AURKC: variants seen among roughly 807,000 people sequenced by gnomAD.
The protein encoded by AURKC is ARK-3.
In AURKC, 15 loss-of-function variants were observed where a neutral mutation model predicts 29.2. The observed-to-expected ratio is 0.51, with a 90% CI of 0.34 to 0.79. The LOEUF (loss-of-function observed/expected upper bound fraction) is 0.79, where lower values mean the gene tolerates loss of function less well. Ranked by LOEUF, AURKC falls within the 30% of genes least tolerant of loss-of-function variation. AURKC has a pLI of 0.01. For synonymous variants in AURKC, 150 were observed against 149.9 expected (o/e 1.00, Z -0.01); for missense variants, 332 against 383.2 (o/e 0.87, Z 1.12).
rs1285952481 is a variant in AURKC at position 57,232,295 on chromosome 19, C to T, written c.296+71C>T. On this transcript the variant is annotated intron_variant, in intron 3 of 6. Transcript: ENST00000302804. This position sits in a 1 kb window ranked among gnomAD's most constrained non-coding sequence, Gnocchi z 4.5. ...CAGCATTTTCCCCAAATACTAACCC[C>T]AAGTAAACCCTGCACTTGTACCTTG... is the stretch of plus-strand genomic sequence containing the variant. 32 of 1,566,672 alleles carry T rather than the reference C, an allele frequency of 2.0e-5. No individual in the cohort carries two copies. Among genetic ancestry groups the T allele is most frequent in the Non-Finnish European group, 2.7e-5 (31 of 1,149,826 alleles).
At chr19:57,231,418 C>A in intron 1 of AURKC, 112 bp downstream of exon 1, 2 of 1,241,288 alleles carry the variant, frequency 1.6e-6, no homozygotes, top group South Asian at 1.3e-5. Context: ...TCCTCCCCAA[C>A]GCTCTTCTTT....
chr19:57,231,049 A>C lies in AURKC; in HGVS notation c.-200A>C. 3 of 1,293,910 alleles carry C rather than the reference A, an allele frequency of 2.3e-6. No individual in the cohort carries two copies. In the South Asian group the frequency reaches 3.8e-5, roughly 16 times the overall value. 80.2% of individuals were successfully genotyped at this position (1,293,910 alleles called of 1,614,324 possible). On this transcript the variant is annotated 5_prime_UTR_variant, in exon 1 of 7. Coordinates refer to ENST00000302804, the MANE Select transcript of AURKC (RefSeq NM_001015878.2). ...AGCGGTTGGTGCCGGGTATAAAAGA[A>C]GGCCGCGCAGCCACGGCTGCTCACG...
chr19:57,231,335 A>T (rs758097), intron 1 of AURKC, 29 bp downstream of exon 1: 2 of 1,551,124 alleles, frequency 1.3e-6, no homozygotes, highest in Admixed American at 3.9e-5. Flanking sequence ...GAAAGGACGC[A>T]GGGAAGGCTG....
Position 57,233,546 on chromosome 19 carries a change from G to A in AURKC, c.522G>A (p.Leu174=). The A allele has an allele frequency of 6.2e-7, 1 of 1,614,150 alleles. No individual in the cohort carries two copies. ...ATATTAAGCCAGAGAACCTGCTGCT[G>A]GGGTTCAGGGGTGAGGTGAAGATTG... The part of the protein sequence containing the change: ...HRDIKPENLL[L]GFRGEVKIAD... The change falls in exon 5 of 7, where the codon CTG becomes CTA. Residue 174 remains leucine (L), a synonymous_variant. Coordinates refer to ENST00000302804, the MANE Select transcript of AURKC (RefSeq NM_001015878.2).
chr19:57,234,992 G>A lies in AURKC; in HGVS notation c.693G>A (p.Glu231=). 6.2e-7 allele frequency: 1 copy of A among 1,614,210 alleles called. No homozygotes were observed. Among genetic ancestry groups the A allele is most frequent in the Non-Finnish European group, 8.5e-7 (1 of 1,180,040 alleles). Residue 231 remains glutamate, a synonymous_variant, in exon 6 of 7, where the codon GAG becomes GAA. Coordinates refer to ENST00000302804, the MANE Select transcript of AURKC (RefSeq NM_001015878.2). The stretch of plus-strand genomic sequence containing the variant: ...GGTGCATTGGAGTGCTCTGCTATGA[G>A]CTGCTGGTGGGATATCCACCCTTTG... ...DLWCIGVLCY[E]LLVGYPPFES...
In AURKC at chr19:57,232,293, C is replaced by T. The variant is rs887972550; in HGVS notation, c.296+69C>T. The stretch of plus-strand genomic sequence containing the variant: ...CCCAGCATTTTCCCCAAATACTAAC[C>T]CCAAGTAAACCCTGCACTTGTACCT... On this transcript the variant is annotated intron_variant, in intron 3 of 6. Coordinates refer to ENST00000302804, the MANE Select transcript of AURKC (RefSeq NM_001015878.2). The surrounding 1 kb of genome is among the most constrained non-coding windows in gnomAD (Gnocchi z 4.5). The T allele has an allele frequency of 1.3e-6, 2 of 1,565,854 alleles. No homozygotes were observed. The highest frequency in any genetic ancestry group is 1.7e-5 in the Admixed American group (1 of 57,536).
In AURKC at chr19:57,232,291, A is replaced by G; in HGVS notation, c.296+67A>G. ...AGCCCAGCATTTTCCCCAAATACTA[A>G]CCCCAAGTAAACCCTGCACTTGTAC... On this transcript the variant is annotated intron_variant, in intron 3 of 6. Transcript: ENST00000302804. This position sits in a 1 kb window ranked among gnomAD's most constrained non-coding sequence, Gnocchi z 4.5. The G allele has an allele frequency of 1.9e-6, 3 of 1,578,170 alleles. No individual in the cohort carries two copies. In the Admixed American group the frequency reaches 5.2e-5, roughly 27 times the overall value.
intron 4 of AURKC, 139 bp from the exon 5 acceptor site, chr19:57,233,321 G>C (rs2087512516): frequency 8.1e-7 from 1 of 1,239,128 alleles, no homozygotes; most frequent in Non-Finnish European, 1.2e-6. Flanking sequence ...CCAGTAACTG[G>C]TGCAATTTAA....
chr19:57,232,315 A>G lies in AURKC; in HGVS notation c.296+91A>G. On this transcript the variant is annotated intron_variant, in intron 3 of 6. Coordinates refer to ENST00000302804, the MANE Select transcript of AURKC (RefSeq NM_001015878.2). This position sits in a 1 kb window ranked among gnomAD's most constrained non-coding sequence, Gnocchi z 4.5. The stretch of plus-strand genomic sequence containing the variant: ...AACCCCAAGTAAACCCTGCACTTGT[A>G]CCTTGAAGACTTCTCTGCAGTTCAT... 6.6e-7 allele frequency: 1 copy of G among 1,505,834 alleles called. No homozygotes were observed. The allele number at this position is 1,505,834 out of a possible 1,614,324, so 93.3% of individuals were successfully genotyped here.
Position 57,232,570 on chromosome 19 carries a change from T to C in AURKC, c.325T>C (p.Tyr109His). 1 of 1,614,208 alleles carries C rather than the reference T, an allele frequency of 6.2e-7. No homozygotes were observed. The change falls in exon 4 of 7, where the codon TAT becomes CAT. Residue 109 changes from tyrosine to histidine, a missense_variant. Transcript: ENST00000302804. The surrounding 1 kb of genome is among the most constrained non-coding windows in gnomAD (Gnocchi z 4.5). Reference sequence around the variant, plus strand: ...CCCCAATATCCTGCGCCTGTATAACTATTTCCATGATGCACGCCGGGTGTA... The same window carrying C: ...CCCCAATATCCTGCGCCTGTATAACCATTTCCATGATGCACGCCGGGTGTA... ...QHPNILRLYN[Y>H]FHDARRVYLI...
Position 57,232,525 on chromosome 19 carries a change from C to T in AURKC, c.297-17C>T, listed in dbSNP as rs968393333. On this transcript the variant is annotated splice_polypyrimidine_tract_variant and intron_variant, in intron 3 of 6. Coordinates refer to ENST00000302804, the MANE Select transcript of AURKC (RefSeq NM_001015878.2). The surrounding 1 kb of genome is among the most constrained non-coding windows in gnomAD (Gnocchi z 4.5). ...GCCTCAGGGAGAAATCTGACTCTTC[C>T]AACATTAATCCTTCAGACACCCCAA... 1.9e-6 allele frequency: 3 copies of T among 1,614,050 alleles called. No homozygotes were observed. Among genetic ancestry groups the T allele is most frequent in the African/African-American group, 2.7e-5 (2 of 74,914 alleles).
intron 4 of AURKC, among the ~76,000 whole-genome samples, 159 bp from the exon 5 acceptor site, chr19:57,233,301 A>AC (rs1447185056): frequency 6.6e-6 from 1 of 152,150 alleles, no homozygotes; most frequent in Non-Finnish European, 1.5e-5. Context: ...GGAAAACCAC[A>AC]CCCCACACAC....
rs765203245 is a variant in AURKC at position 57,235,008 on chromosome 19, C to T, written c.709C>T (p.Pro237Ser). 1 of 1,614,100 alleles carries T rather than the reference C, an allele frequency of 6.2e-7. No homozygotes were observed. The highest frequency in any genetic ancestry group is 2.2e-5 in the East Asian group (1 of 44,880). The change falls in exon 6 of 7, where the codon CCA (proline) becomes TCA (serine). Residue 237 changes from proline to serine, a missense_variant. Transcript: ENST00000302804. ...CTGCTATGAGCTGCTGGTGGGATAT[C>T]CACCCTTTGAGAGCGCCTCCCACAG... ...VLCYELLVGY[P>S]PFESASHSET... is the part of the protein sequence containing the mutation.
At chr19:57,234,832 C>T in intron 5 of AURKC, 52 bp from the exon 6 acceptor site, 2 of 1,609,206 alleles carry the variant, frequency 1.2e-6, no homozygotes, top group East Asian at 2.2e-5. Flanking sequence ...GGAGAATTTC[C>T]CTCATCCTGG....
intron 5 of AURKC, among the ~76,000 whole-genome samples, chr19:57,234,552 T>G (rs1339975904): frequency 3.3e-5 from 5 of 152,252 alleles, no homozygotes; most frequent in Admixed American, 6.5e-5. Flanking sequence ...AGAAATTTTC[T>G]TACCATAATT....
intron 4 of AURKC, 135 bp from the exon 5 acceptor site, chr19:57,233,325 A>G: frequency 2.3e-6 from 3 of 1,284,346 alleles, no homozygotes; most frequent in Non-Finnish European, 3.4e-6. Context: ...TAACTGGTGC[A>G]ATTTAAAAGG....
chr19:57,232,586 G>A lies in AURKC; in HGVS notation c.341G>A (p.Arg114His), dbSNP rs1051922045. ...LRLYNYFHDA[R>H]RVYLILEYAP... ...CTGTATAACTATTTCCATGATGCAC[G>A]CCGGGTGTACCTGATTCTGGAATAT... The change falls in exon 4 of 7, where the codon CGC becomes CAC. Residue 114 changes from arginine to histidine, a missense_variant. Coordinates refer to ENST00000302804, the MANE Select transcript of AURKC (RefSeq NM_001015878.2). The surrounding 1 kb of genome is among the most constrained non-coding windows in gnomAD (Gnocchi z 4.5). The A allele has an allele frequency of 1.2e-6, 2 of 1,614,000 alleles. No individual in the cohort carries two copies. The highest frequency in any genetic ancestry group is 1.3e-5 in the African/African-American group (1 of 74,886).
At chr19:57,233,047 C>A (rs114852368) in intron 4 of AURKC, among the ~76,000 whole-genome samples, 1 of 152,056 alleles carries the variant, frequency 6.6e-6, no homozygotes, top group Non-Finnish European at 1.5e-5. Flanking sequence ...TAGAGGGTTC[C>A]GGAAAGGGAA....
In AURKC at chr19:57,233,482, C is replaced by T; in HGVS notation, c.458C>T (p.Ala153Val). ...TATIIEELADALTYCHDKKVI... is the reference protein window; with the variant it reads ...TATIIEELADVLTYCHDKKVI... ...CAGATAATAGAGGAGTTGGCAGATG[C>T]CCTGACCTACTGCCATGACAAGAAA... The change falls in exon 5 of 7, where the codon GCC becomes GTC. Residue 153 changes from alanine (A) to valine (V), a missense_variant. By Grantham distance (64) the Ala-to-Val change is moderately conservative. Transcript: ENST00000302804. The T allele has an allele frequency of 2.5e-6, 4 of 1,614,176 alleles. No homozygotes were observed. Among genetic ancestry groups the T allele is most frequent in the Non-Finnish European group, 3.4e-6 (4 of 1,180,028 alleles).
Sources: allele counts gnomAD v4.1 joint callset (sites outside exome capture counted in the v4.1 genomes callset), GRCh38; gene constraint gnomAD v4.1.1; non-coding constraint Gnocchi (gnomAD v3.1); transcripts MANE v1.5; gene names NCBI Gene and HGNC (gene_info 2026-07-23, HGNC 2026-07-21).